The following PPM1L variants were observed in gnomAD, a reference collection of about 807,000 sequenced individuals.
PPM1L encodes the protein protein phosphatase 1L.
A neutral mutation model predicts 31.4 loss-of-function variants in PPM1L; 13 were observed. That is an observed-to-expected ratio of 0.41 (90% confidence interval 0.27 to 0.66). PPM1L has a LOEUF of 0.66. Among genes scored for constraint, PPM1L ranks in the 30% least tolerant of loss-of-function variants. The pLI is 0.29. For synonymous variants in PPM1L, 184 were observed against 175.4 expected (o/e 1.05, Z -0.39); for missense variants, 326 against 453.7 (o/e 0.72, Z 2.56).
intron 1 of PPM1L, among the ~76,000 whole-genome samples, chr3:160,947,583 T>C (rs949304153): frequency 6.6e-6 from 1 of 152,124 alleles, no homozygotes; most frequent in Admixed American, 6.5e-5. Context: ...AAGAATCTTG[T>C]TCATTTCTAT....
intron 2 of PPM1L, among the ~76,000 whole-genome samples, chr3:161,010,584 T>C (rs574543421): frequency 0.018 from 2,801 of 152,262 alleles, 77 homozygotes; most frequent in African/African-American, 0.063. Context: ...TTCTAGATCC[T>C]TGAGGAATTG....
chr3:160,978,909 C>T (rs1054848238), intron 2 of PPM1L, among the ~76,000 whole-genome samples: 6 of 151,686 alleles, frequency 4.0e-5, no homozygotes, highest in African/African-American at 1.5e-4. Flanking sequence ...TTTTTTAAAG[C>T]TCTTGTATTG....
chr3:160,768,669 A>C (rs1012810063), intron 1 of PPM1L, among the ~76,000 whole-genome samples: 13 of 152,168 alleles, frequency 8.5e-5, no homozygotes, highest in African/African-American at 2.9e-4. Flanking sequence ...GTCTGTTATA[A>C]GTCTCTGTTG....
rs1288412491 is a variant in PPM1L, at chr3:160,934,757, C to T, written c.400-26979C>T. ...CACTTGAGCCTAGGAGTTTGAGACA[C>T]GCCTGGGCAATGTGGTGAAACCCTG... On this transcript the variant is annotated intron_variant, in intron 1 of 3. Transcript: ENST00000498165. Among the ~76,000 whole-genome samples the T allele has an allele frequency of 5.3e-5, 8 of 152,098 alleles. No individual in the cohort carries two copies. In the East Asian group the frequency reaches 9.7e-4, roughly 18 times the overall value.
chr3:160,913,161 C>CA (rs1714033218), intron 1 of PPM1L, among the ~76,000 whole-genome samples: 1 of 152,006 alleles, frequency 6.6e-6, no homozygotes, highest in South Asian at 2.1e-4. Flanking sequence ...AGTAATAGCT[C>CA]AAAGAGTTTT....
At chr3:160,846,679 T>C (rs543582529) in intron 1 of PPM1L, among the ~76,000 whole-genome samples, 1 of 151,928 alleles carries the variant, frequency 6.6e-6, no homozygotes, top group Non-Finnish European at 1.5e-5. Flanking sequence ...ATGTTGACAG[T>C]GTGCATAGTG....
At chr3:160,909,513 G>T (rs965728994) in intron 1 of PPM1L, among the ~76,000 whole-genome samples, 2 of 152,178 alleles carry the variant, frequency 1.3e-5, no homozygotes, top group African/African-American at 2.4e-5. Flanking sequence ...TGGAAATTTT[G>T]TCTAGAGCTC....
intron 1 of PPM1L, among the ~76,000 whole-genome samples, chr3:160,941,010 G>C (rs1159418790): frequency 1.3e-5 from 2 of 152,198 alleles, no homozygotes; most frequent in Non-Finnish European, 2.9e-5. Flanking sequence ...TCTTGCATCA[G>C]CGTGACCTGG....
chr3:161,056,447 A>C (rs183238654), intron 2 of PPM1L, among the ~76,000 whole-genome samples: 17 of 152,278 alleles, frequency 1.1e-4, no homozygotes, highest in Admixed American at 1.0e-3. Flanking sequence ...ATGCTACTGA[A>C]ACACTGTGAA....
intron 1 of PPM1L, chr3:160,842,214 T>C: frequency 1.4e-6 from 1 of 698,182 alleles, no homozygotes; most frequent in South Asian, 1.5e-5. Context: ...GAAGAATTCA[T>C]GCAGGTGGAA....
intron 1 of PPM1L, among the ~76,000 whole-genome samples, chr3:160,840,832 A>C (rs1353970321): frequency 6.6e-6 from 1 of 152,044 alleles, no homozygotes; most frequent in African/African-American, 2.4e-5. Context: ...AGAGAGAAAG[A>C]GAAAGAACAT....
chr3:160,782,218 G>C (rs1430832360), intron 1 of PPM1L, among the ~76,000 whole-genome samples: 7 of 151,922 alleles, frequency 4.6e-5, no homozygotes, highest in Non-Finnish European at 8.8e-5. Context: ...TTACATAGGA[G>C]CCTGTCTTCC....
intron 2 of PPM1L, among the ~76,000 whole-genome samples, chr3:160,979,331 C>G (rs1166343205): frequency 6.6e-6 from 1 of 151,992 alleles, no homozygotes; most frequent in Non-Finnish European, 1.5e-5. Flanking sequence ...CCACCTTGGA[C>G]AGGACACCAT....
rs1399882917 is a variant in PPM1L at position 160,756,752 on chromosome 3, C to A, written c.399+45C>A. On this transcript the variant is annotated intron_variant, in intron 1 of 3. Coordinates refer to ENST00000498165, the MANE Select transcript of PPM1L (RefSeq NM_139245.4). The surrounding 1 kb of genome is among the most constrained non-coding windows in gnomAD (Gnocchi z 6.2). ...TTTGTATTTGTGTCCGTGTATGTCT[C>A]GTGTGTGTGTGTGTGTGTGTGTGTG... 5 of 1,015,434 alleles carry A rather than the reference C, an allele frequency of 4.9e-6. No individual in the cohort carries two copies. The highest frequency in any genetic ancestry group is 1.8e-5 in the African/African-American group (1 of 55,032). 62.9% of individuals were successfully genotyped at this position (1,015,434 alleles called of 1,614,324 possible).
At chr3:160,925,275 T>A (rs1030919400) in intron 1 of PPM1L, among the ~76,000 whole-genome samples, 11 of 152,314 alleles carry the variant, frequency 7.2e-5, no homozygotes, top group Non-Finnish European at 1.3e-4. Flanking sequence ...AACTTCTCAT[T>A]CCAGTTTATA....
At chr3:161,001,916 C>T (rs1457256994) in intron 2 of PPM1L, among the ~76,000 whole-genome samples, 1 of 152,090 alleles carries the variant, frequency 6.6e-6, no homozygotes. Flanking sequence ...ATACATGTGA[C>T]ATGCTGGTGC....
At chr3:161,022,154 G>C in intron 2 of PPM1L, 1 of 648,134 alleles carries the variant, frequency 1.5e-6, no homozygotes, top group South Asian at 1.7e-5. Flanking sequence ...TTTACCCTTA[G>C]TTACTTTTTG....
chr3:160,865,054 C>A (rs11915465), intron 1 of PPM1L, among the ~76,000 whole-genome samples: 1 of 149,840 alleles, frequency 6.7e-6, no homozygotes, highest in Admixed American at 6.6e-5. Flanking sequence ...TTTAAAAATT[C>A]TATTATTTTT....
At chr3:161,000,518 C>G (rs146145542) in intron 2 of PPM1L, among the ~76,000 whole-genome samples, 1,594 of 152,060 alleles carry the variant, frequency 0.01, 29 homozygotes, top group African/African-American at 0.037. Context: ...TAAGCAAGGT[C>G]AGATATATAA....
Sources: gnomAD v4.1 joint callset for allele counts (sites outside exome capture counted in the v4.1 genomes callset) on GRCh38, gnomAD v4.1.1 for gene constraint, Gnocchi (gnomAD v3.1) non-coding constraint, MANE v1.5 for transcripts, NCBI Gene and HGNC (gene_info 2026-07-23, HGNC 2026-07-21) for gene names.